CTNNA3: variants seen among roughly 807,000 people sequenced by gnomAD.
CTNNA3 encodes the protein catenin alpha-3.
A neutral mutation model predicts 95.7 loss-of-function variants in CTNNA3; 76 were observed. The ratio of observed to expected loss-of-function variants is 0.79; its 90% CI spans 0.66 to 0.96. The LOEUF (loss-of-function observed/expected upper bound fraction) is 0.96. CTNNA3 is among the 40% of genes least tolerant of loss of function. The pLI, the probability that CTNNA3 is intolerant of heterozygous loss-of-function variation, is 0.00. For missense variants in CTNNA3, 1,191 were observed against 1,089.8 expected, an observed-to-expected ratio of 1.09 and a Z score of -1.31; for synonymous variants, 431 against 374.4, an observed-to-expected ratio of 1.15 and a Z score of -1.74.
chr10:67,710,022 G>A (rs142459075), intron 1 of CTNNA3, among the ~76,000 whole-genome samples: 69 of 152,206 alleles, frequency 4.5e-4, no homozygotes, highest in African/African-American at 1.6e-3. Context: ...CTGCCCCTGC[G>A]GTGGAAGGAA....
At chr10:66,368,267 A>C (rs953751177) in intron 12 of CTNNA3, among the ~76,000 whole-genome samples, 7 of 152,054 alleles carry the variant, frequency 4.6e-5, no homozygotes, top group Non-Finnish European at 1.0e-4. Flanking sequence ...TGCAGAACTC[A>C]GTGTTGTGAT....
chr10:66,166,336 T>C (rs1037909343), intron 13 of CTNNA3, among the ~76,000 whole-genome samples: 15 of 151,302 alleles, frequency 9.9e-5, no homozygotes, highest in African/African-American at 3.6e-4. Flanking sequence ...CTACTAAAAA[T>C]ACAAAAACTT....
intron 12 of CTNNA3, among the ~76,000 whole-genome samples, chr10:66,321,908 C>T (rs2092192506): frequency 6.6e-6 from 1 of 152,114 alleles, no homozygotes; most frequent in South Asian, 2.1e-4. Context: ...TTAAATAGTT[C>T]AGGAGTAGAC....
intron 11 of CTNNA3, among the ~76,000 whole-genome samples, chr10:66,405,126 A>C (rs908580200): frequency 2.0e-5 from 3 of 152,164 alleles, no homozygotes; most frequent in Non-Finnish European, 4.4e-5. Context: ...TATAATGGAC[A>C]CAGAATGAGT....
chr10:66,910,262 A>T (rs1179585551), intron 7 of CTNNA3, among the ~76,000 whole-genome samples: 4 of 152,228 alleles, frequency 2.6e-5, no homozygotes, highest in African/African-American at 9.6e-5. Context: ...TATGCATAGC[A>T]TCTTGGTTAG....
At chr10:66,484,209 A>T (rs1839645129) in intron 11 of CTNNA3, among the ~76,000 whole-genome samples, 1 of 142,206 alleles carries the variant, frequency 7.0e-6, no homozygotes, top group Non-Finnish European at 1.5e-5. Flanking sequence ...GGAAAGGAAA[A>T]GCATGAAGTA....
In CTNNA3 at chr10:66,976,006, C is replaced by T. The variant is rs184354369; in HGVS notation, c.1048-200482G>A. On this transcript the variant is annotated intron_variant, in intron 7 of 17. Transcript: ENST00000433211. ...AAAACCAGAGTTGATTCTTTTCTAC[C>T]AACTGCCCTCTTTAATTTCCCTGTA... Among the ~76,000 whole-genome samples the T allele has an allele frequency of 1.1e-3, 170 of 152,204 alleles. 2 individuals are homozygous for T. Among genetic ancestry groups the T allele is most frequent in the African/African-American group, 4.0e-3 (165 of 41,540 alleles).
intron 12 of CTNNA3, among the ~76,000 whole-genome samples, chr10:66,349,263 G>C (rs2132385323): frequency 6.6e-6 from 1 of 151,998 alleles, no homozygotes; most frequent in African/African-American, 2.4e-5. Context: ...ACAACCACAG[G>C]GAACTGAATT....
At chr10:66,153,388 C>A (rs1447729965) in intron 13 of CTNNA3, among the ~76,000 whole-genome samples, 2 of 151,838 alleles carry the variant, frequency 1.3e-5, no homozygotes, top group African/African-American at 4.8e-5. Flanking sequence ...CTCTAATATT[C>A]CTCCAAAGAA....
At chr10:67,225,031 G>A (rs1325105349) in intron 5 of CTNNA3, among the ~76,000 whole-genome samples, 1 of 152,170 alleles carries the variant, frequency 6.6e-6, no homozygotes, top group African/African-American at 2.4e-5. Flanking sequence ...GGGGCTGTTT[G>A]GGGGCACGGT....
Position 67,219,890 on chromosome 10 carries a change from G to A in CTNNA3, c.580-20C>T, listed in dbSNP as rs776570206. On this transcript the variant is annotated intron_variant, in intron 5 of 17. Coordinates refer to ENST00000433211, the MANE Select transcript of CTNNA3 (RefSeq NM_013266.4). Reference sequence around the variant, plus strand: ...TAAGTCCTGAGAAGGTAAATAAAAAGAGTGGTATCTTACAATGGGTTATGG... The same window carrying A: ...TAAGTCCTGAGAAGGTAAATAAAAAAAGTGGTATCTTACAATGGGTTATGG... The A allele has an allele frequency of 1.9e-6, 3 of 1,585,748 alleles. No homozygotes were observed. Among genetic ancestry groups the A allele is most frequent in the Non-Finnish European group, 2.6e-6 (3 of 1,162,296 alleles).
intron 12 of CTNNA3, among the ~76,000 whole-genome samples, chr10:66,282,184 C>T (rs752051139): frequency 6.6e-5 from 10 of 151,646 alleles, no homozygotes; most frequent in Non-Finnish European, 5.9e-5. Flanking sequence ...TCCCTTTCAG[C>T]GGACGGAATA....
chr10:67,255,326 T>A (rs1046033612), intron 5 of CTNNA3, among the ~76,000 whole-genome samples: 2 of 151,676 alleles, frequency 1.3e-5, no homozygotes, highest in African/African-American at 2.4e-5. Context: ...ATAAATTAAT[T>A]AATTAATTTA....
At chr10:66,943,680 T>C (rs1337359957) in intron 7 of CTNNA3, among the ~76,000 whole-genome samples, 1 of 152,178 alleles carries the variant, frequency 6.6e-6, no homozygotes, top group Non-Finnish European at 1.5e-5. Flanking sequence ...TTTGTACTTT[T>C]GTACAGCAGG....
intron 7 of CTNNA3, among the ~76,000 whole-genome samples, chr10:67,051,819 AT>A (rs1855117964): frequency 6.6e-6 from 1 of 151,238 alleles, no homozygotes; most frequent in Non-Finnish European, 1.5e-5. Context: ...CAGTGGCACC[AT>A]CTCGGCTCAC....
At chr10:67,292,969 T>C (rs1380912837) in intron 5 of CTNNA3, among the ~76,000 whole-genome samples, 1 of 151,924 alleles carries the variant, frequency 6.6e-6, no homozygotes, top group African/African-American at 2.4e-5. Flanking sequence ...CAATACTAGA[T>C]AAATAAACCA....
chr10:67,354,146 T>G (rs1353978746), intron 5 of CTNNA3, among the ~76,000 whole-genome samples: 1 of 151,946 alleles, frequency 6.6e-6, no homozygotes, highest in Non-Finnish European at 1.5e-5. Flanking sequence ...GATACCTGCT[T>G]TAAGAGCTAG....
chr10:67,386,443 C>T (rs1000101084), intron 5 of CTNNA3, among the ~76,000 whole-genome samples: 1 of 152,188 alleles, frequency 6.6e-6, no homozygotes, highest in Non-Finnish European at 1.5e-5. Flanking sequence ...CACATACCAC[C>T]CTTCTTACCC....
At chr10:67,671,930 G>A (rs1226857055) in intron 1 of CTNNA3, among the ~76,000 whole-genome samples, 2 of 152,202 alleles carry the variant, frequency 1.3e-5, no homozygotes, top group East Asian at 1.9e-4. Context: ...CTGAGGAATC[G>A]CCACACTGAC....
Sources: gnomAD v4.1 joint callset for allele counts (sites outside exome capture counted in the v4.1 genomes callset) on GRCh38, gnomAD v4.1.1 for gene constraint, MANE v1.5 for transcripts, NCBI Gene and HGNC (gene_info 2026-07-23, HGNC 2026-07-21) for gene names.